Variants in NSMCE4A observed in about 807,000 individuals in gnomAD.
NSMCE4A encodes the protein non-structural maintenance of chromosomes element 4 homolog A.
NSMCE4A carries 40 observed loss-of-function variants against 47.9 expected under a neutral mutation model. The ratio of observed to expected loss-of-function variants is 0.83; its 90% confidence interval spans 0.65 to 1.09. The LOEUF (loss-of-function observed/expected upper bound fraction) is 1.09. Ranked by LOEUF, NSMCE4A falls within the 50% of genes least tolerant of loss-of-function variation. NSMCE4A has a pLI of 0.00. For missense variants in NSMCE4A, 500 were observed against 507.0 expected (o/e 0.99, Z 0.13); for synonymous variants, 166 against 178.5 (o/e 0.93, Z 0.56).
chr10:121,963,472 C>G, intron 5 of NSMCE4A, 144 bp from the exon 6 acceptor site: 1 of 599,012 alleles, frequency 1.7e-6, no homozygotes, highest in Non-Finnish European at 3.0e-6. Context: ...GCTTTGCCAC[C>G]CAGGCTAGAG....
At chr10:121,974,180 C>T in intron 1 of NSMCE4A, 99 bp from the exon 2 acceptor site, 1 of 1,355,618 alleles carries the variant, frequency 7.4e-7, no homozygotes, top group Non-Finnish European at 1.0e-6. Flanking sequence ...AGCCCCGGCC[C>T]CTGCGCTCTG....
chr10:121,957,397 T>C (rs978109727), intron 10 of NSMCE4A, 138 bp from the exon 11 acceptor site: 19 of 151,342 alleles, frequency 1.3e-4, no homozygotes, highest in Non-Finnish European at 2.4e-4. Flanking sequence ...ATATCTTAAA[T>C]TTATTCCATA....
At chr10:121,970,591 G>C (rs1192093661) in intron 3 of NSMCE4A, among the ~76,000 whole-genome samples, 1 of 151,870 alleles carries the variant, frequency 6.6e-6, no homozygotes, top group Non-Finnish European at 1.5e-5. Context: ...TTCCAGCTGA[G>C]CTCTGCCATC....
chr10:121,969,797 C>T (rs146926008), intron 3 of NSMCE4A, among the ~76,000 whole-genome samples: 1 of 152,124 alleles, frequency 6.6e-6, no homozygotes. Context: ...CTCACTGCAA[C>T]TTCTGCCTCC....
intron 6 of NSMCE4A, among the ~76,000 whole-genome samples, chr10:121,962,694 CCT>C (rs1430977391): frequency 6.6e-6 from 1 of 151,560 alleles, no homozygotes; most frequent in Middle Eastern, 3.2e-3. Context: ...CTCACCGCAA[CCT>C]CTGTCTCCCG....
chr10:121,959,214 C>A (rs989929086), intron 10 of NSMCE4A, 110 bp downstream of exon 10: 1 of 823,484 alleles, frequency 1.2e-6, no homozygotes. Flanking sequence ...AAGAATGGGG[C>A]ACTACAGGGA....
At chr10:121,967,858 T>C (rs1327219103) in intron 3 of NSMCE4A, 52 bp from the exon 4 acceptor site, 1 of 1,570,050 alleles carries the variant, frequency 6.4e-7, no homozygotes, top group Non-Finnish European at 8.6e-7. Context: ...TGCAATCATT[T>C]TCCACATCCA....
chr10:121,959,654 C>G, intron 8 of NSMCE4A, 59 bp from the exon 9 acceptor site: 1 of 1,156,036 alleles, frequency 8.7e-7, no homozygotes, highest in Non-Finnish European at 1.3e-6. Flanking sequence ...AACAGGTAAT[C>G]TAAACGGAAA....
chr10:121,970,956 T>C lies in NSMCE4A; in HGVS notation c.484A>G (p.Arg162Gly). The C allele has an allele frequency of 6.2e-7, 1 of 1,612,184 alleles. No individual in the cohort carries two copies. Residue 162 changes from arginine to glycine, a missense_variant, in exon 3 of 11, where the codon AGA becomes GGA. By Grantham distance (125) the Arg-to-Gly change is moderately radical. Transcript: ENST00000369023. ...RSDLSSFDMLRYVETLLTHMG... is the reference protein window; with the variant it reads ...RSDLSSFDMLGYVETLLTHMG... ...GAACTTACTAGAGTTTCAACATATCTTAACATGTCAAAGGAGCTCAGGTCT... is the reference window on the plus strand; with the variant it reads ...GAACTTACTAGAGTTTCAACATATCCTAACATGTCAAAGGAGCTCAGGTCT...
At position 121,971,048 on chromosome 10, in the gene NSMCE4A, A is replaced by ACTG. The variant is rs746160541; in HGVS notation, c.389_391dup (p.Ala130dup). The ACTG allele has an allele frequency of 6.2e-7, 1 of 1,613,314 alleles. No individual in the cohort carries two copies. The highest frequency in any genetic ancestry group is 1.1e-5 in the South Asian group (1 of 90,902). ...CAAAACAAGAAAGTGGGCATCCAGG[A>ACTG]CTGCTTCTCTTGCTCGGGACACTAT... On this transcript the variant is annotated inframe_insertion, in exon 3 of 11. Coordinates refer to ENST00000369023, the MANE Select transcript of NSMCE4A (RefSeq NM_017615.3).
chr10:121,960,276 T>A lies in NSMCE4A; in HGVS notation c.988+82A>T. ...AAAGTTAATCTACATTGAAAATTCA[T>A]TTACATTTAGTAAAATACTTAAATT... On this transcript the variant is annotated intron_variant, in intron 8 of 10. Transcript: ENST00000369023. The surrounding 1 kb of genome is among the most constrained non-coding windows in gnomAD (Gnocchi z 4.2). 1.1e-6 allele frequency: 1 copy of A among 912,460 alleles called. No individual in the cohort carries two copies. Among genetic ancestry groups the A allele is most frequent in the Non-Finnish European group, 1.6e-6 (1 of 644,942 alleles). The allele number at this position is 912,460 out of a possible 1,614,324, so 56.5% of individuals were successfully genotyped here.
rs1047268963 is a variant in NSMCE4A, at chr10:121,970,451, G to A, written c.501+488C>T. ...CACGCCACTGCACTCCAGCCTGGGCGACAGAGCGAGACTCTGTCTCAAAGG... is the reference window on the plus strand; with the variant it reads ...CACGCCACTGCACTCCAGCCTGGGCAACAGAGCGAGACTCTGTCTCAAAGG... On this transcript the variant is annotated intron_variant, in intron 3 of 10. Transcript: ENST00000369023. Among the ~76,000 whole-genome samples the A allele has an allele frequency of 7.6e-5, 10 of 132,026 alleles. No individual in the cohort carries two copies. The South Asian group carries it at 1.8e-3, about 23-fold the overall frequency. The allele number at this position is 132,026 out of a possible 152,430, so 86.6% of individuals were successfully genotyped here. A position where few individuals can be genotyped will look rare whatever the true frequency, so the allele number is the denominator to read the frequency against.
chr10:121,958,322 G>A (rs890550115), intron 10 of NSMCE4A, among the ~76,000 whole-genome samples: 1 of 152,144 alleles, frequency 6.6e-6, no homozygotes, highest in Non-Finnish European at 1.5e-5. Flanking sequence ...GGGCATAGCC[G>A]ATAGAATCTA....
Position 121,975,018 on chromosome 10 carries a change from G to C in NSMCE4A, c.148C>G (p.Pro50Ala). The C allele has an allele frequency of 6.7e-7, 1 of 1,501,090 alleles. No homozygotes were observed. The highest frequency in any genetic ancestry group is 2.9e-5 in the East Asian group (1 of 35,084). The allele number at this position is 1,501,090 out of a possible 1,614,324, so 93.0% of individuals were successfully genotyped here. Residue 50 changes from proline (P) to alanine (A), a missense_variant, in exon 1 of 11, where the codon CCA becomes GCA. Physicochemically the swap from Pro to Ala is conservative, Grantham distance 27. Transcript: ENST00000369023. ...GTGTCCTCCAGGCTCGGGCGCTCTG[G>C]GGCCTCTCTGCGCTCCCGCGCAGAG... ...RGSARERREA[P>A]ERPSLEDTEP... is the part of the protein sequence containing the mutation.
Position 121,974,962 on chromosome 10 carries a change from C to A in NSMCE4A, c.204G>T (p.Met68Ile). The change falls in exon 1 of 11, where the codon ATG becomes ATT. Residue 68 changes from methionine to isoleucine, a missense_variant. Coordinates refer to ENST00000369023, the MANE Select transcript of NSMCE4A (RefSeq NM_017615.3). ...CCTCCGCCTCCAAGCTGGCCGGGTC[C>A]ATCATCTCGTCCCCGGAATCCGACG... is the stretch of plus-strand genomic sequence containing the variant. ...TEPSDSGDEM[M>I]DPASLEAEAD... 6.5e-7 allele frequency: 1 copy of A among 1,530,210 alleles called. No individual in the cohort carries two copies. The highest frequency in any genetic ancestry group is 8.8e-7 in the Non-Finnish European group (1 of 1,140,914). The allele number at this position is 1,530,210 out of a possible 1,614,324, so 94.8% of individuals were successfully genotyped here.
chr10:121,964,613 T>C (rs1346681522), intron 5 of NSMCE4A, among the ~76,000 whole-genome samples: 3 of 151,548 alleles, frequency 2.0e-5, no homozygotes, highest in African/African-American at 7.3e-5. Flanking sequence ...AGCTAATTTC[T>C]GTATTTTTAG....
At position 121,959,555 on chromosome 10, in the gene NSMCE4A, A is replaced by T. The variant is rs762774218; in HGVS notation, c.1029T>A (p.His343Gln). 19 of 1,614,166 alleles carry T rather than the reference A, an allele frequency of 1.2e-5. No individual in the cohort carries two copies. The highest frequency in any genetic ancestry group is 1.6e-4 in the Middle Eastern group (1 of 6,062). Residue 343 changes from histidine (H) to glutamine (Q), a missense_variant, in exon 9 of 11, where the codon CAT (histidine) becomes CAA (glutamine). His to Gln is a conservative substitution (Grantham distance 24). Transcript: ENST00000369023. ...TTCCTTGATTTCTAACTTGTGTGTT[A>T]TGTTCAAATCCCTCATTTTCTTCAT... Reference protein sequence around the residue: ...SINEENEGFEHNTQVRNQGII... With the variant: ...SINEENEGFEQNTQVRNQGII...
At position 121,959,329 on chromosome 10, in the gene NSMCE4A, G is replaced by T; in HGVS notation, c.*7C>A. The stretch of plus-strand genomic sequence containing the variant: ...CATCCCATTGAAAAGGTTACCTTCA[G>T]CTAGCATCAAGCACTTGGCTTCTGC... On this transcript the variant is annotated 3_prime_UTR_variant, in exon 10 of 11. Coordinates refer to ENST00000369023, the MANE Select transcript of NSMCE4A (RefSeq NM_017615.3). 1.2e-6 allele frequency: 2 copies of T among 1,613,468 alleles called. No homozygotes were observed. Among genetic ancestry groups the T allele is most frequent in the East Asian group, 4.5e-5 (2 of 44,882 alleles).
chr10:121,970,401 G>A (rs1952684447), intron 3 of NSMCE4A, among the ~76,000 whole-genome samples: 1 of 149,852 alleles, frequency 6.7e-6, no homozygotes, highest in African/African-American at 2.5e-5. Context: ...GAACCCAGGA[G>A]GCAGAGCTTG....
Sources: gnomAD v4.1 joint callset for allele counts (sites outside exome capture counted in the v4.1 genomes callset) on GRCh38, gnomAD v4.1.1 for gene constraint, Gnocchi (gnomAD v3.1) non-coding constraint, MANE v1.5 for transcripts, NCBI Gene and HGNC (gene_info 2026-07-23, HGNC 2026-07-21) for gene names.